Variants in PABPC4 observed in about 807,000 individuals in gnomAD.
PABPC4 encodes poly(A) binding protein cytoplasmic 4, also known as polyadenylate-binding protein 4.
A neutral mutation model predicts 74.5 loss-of-function variants in PABPC4; 15 were observed. The ratio of observed to expected loss-of-function variants is 0.20; its 90% CI spans 0.13 to 0.31. PABPC4 has a LOEUF of 0.31. PABPC4 is among the 10% of genes least tolerant of loss of function. The probability of loss-of-function intolerance (pLI) is 1.00; values close to 1 mark genes in which losing one functional copy is unlikely to be tolerated. For missense variants in PABPC4, 610 were observed against 853.5 expected (o/e 0.71, Z 3.55); for synonymous variants, 345 against 303.0 (o/e 1.14, Z -1.44).
Position 39,575,816 on chromosome 1 carries a change from T to C in PABPC4, c.136A>G (p.Met46Val), listed in dbSNP as rs1416365201. ...PVLSIRVCRDMITRRSLGYAY... is the reference protein window; with the variant it reads ...PVLSIRVCRDVITRRSLGYAY... ...TAGCCCAGGGAGCGGCGGGTGATCA[T>C]ATCGCGGCAGACCCGGATGGACAGC... is the stretch of plus-strand genomic sequence containing the variant. Residue 46 changes from methionine (M) to valine (V), a missense_variant, in exon 1 of 16, where the codon ATG (methionine) becomes GTG (valine). Physicochemically the swap from Met to Val is conservative, Grantham distance 21. Transcript: ENST00000372858. The C allele has an allele frequency of 3.7e-6, 6 of 1,609,912 alleles. No individual in the cohort carries two copies. Among genetic ancestry groups the C allele is most frequent in the East Asian group, 4.5e-5 (2 of 44,374 alleles).
rs1243301799 is a variant in PABPC4, at chr1:39,569,923, T to C, written c.583A>G (p.Ile195Val). Reference sequence around the variant, plus strand: ...TCCACCTCTTCCCCAAAGTTTTTGATATAAACATTGGTGAATTCCTTGGCT... The same window carrying C: ...TCCACCTCTTCCCCAAAGTTTTTGACATAAACATTGGTGAATTCCTTGGCT... ...AKAKEFTNVY[I>V]KNFGEEVDDE... is the part of the protein sequence containing the mutation. Residue 195 changes from isoleucine to valine, a missense_variant, in exon 4 of 16, where the codon ATC becomes GTC. By Grantham distance (29) the Ile-to-Val change is conservative. Coordinates refer to ENST00000372858, the MANE Select transcript of PABPC4 (RefSeq NM_001135653.2). 5 of 1,614,048 alleles carry C rather than the reference T, an allele frequency of 3.1e-6. No individual in the cohort carries two copies. Among genetic ancestry groups the C allele is most frequent in the Non-Finnish European group, 3.4e-6 (4 of 1,179,994 alleles).
At chr1:39,565,648 T>C (rs937181108) in intron 7 of PABPC4, among the ~76,000 whole-genome samples, 1 of 152,062 alleles carries the variant, frequency 6.6e-6, no homozygotes, top group Non-Finnish European at 1.5e-5. Flanking sequence ...ACCAACATGG[T>C]GCAACCCCGT....
chr1:39,565,398 A>G lies in PABPC4; in HGVS notation c.973-20T>C. ...CATTACCTACAAAATGAGACCAGCT[A>G]CTTAAGAAATAAGGTGTCCCTGGCT... On this transcript the variant is annotated intron_variant, in intron 7 of 15. Transcript: ENST00000372858. The G allele has an allele frequency of 6.3e-7, 1 of 1,598,720 alleles. No individual in the cohort carries two copies. Among genetic ancestry groups the G allele is most frequent in the Non-Finnish European group, 8.5e-7 (1 of 1,171,108 alleles).
In PABPC4 at chr1:39,563,817, T is replaced by C. The variant is rs1378257994; in HGVS notation, c.1540+19A>G. 2 of 1,614,044 alleles carry C rather than the reference T, an allele frequency of 1.2e-6. No homozygotes were observed. Among genetic ancestry groups the C allele is most frequent in the Admixed American group, 3.3e-5 (2 of 60,002 alleles). On this transcript the variant is annotated intron_variant, in intron 11 of 15. Coordinates refer to ENST00000372858, the MANE Select transcript of PABPC4 (RefSeq NM_001135653.2). ...CGTCAAATCCCATCTTTCCCCCTTC[T>C]GTGTGCATCCAATACCACCTCCAGA...
Position 39,561,106 on chromosome 1 carries a change from T to C in PABPC4, c.*30A>G, listed in dbSNP as rs1645762686. The C allele has an allele frequency of 2.1e-6, 1 of 470,774 alleles. No homozygotes were observed. The highest frequency in any genetic ancestry group is 4.4e-6 in the Non-Finnish European group (1 of 226,848). The allele number at this position is 470,774 out of a possible 1,614,324, so 29.2% of individuals were successfully genotyped here. A position where few individuals can be genotyped will look rare whatever the true frequency, so the allele number is the denominator to read the frequency against. On this transcript the variant is annotated 3_prime_UTR_variant, in exon 16 of 16. Coordinates refer to ENST00000372858, the MANE Select transcript of PABPC4 (RefSeq NM_001135653.2). ...CCTTGAGTTGAATTCCATAAGGGGT[T>C]ATTTGGCTTTTGAATCCTGTAAAGA...
intron 15 of PABPC4, 71 bp from the exon 16 acceptor site, chr1:39,561,193 A>G (rs1482143875): frequency 4.3e-6 from 2 of 462,060 alleles, no homozygotes; most frequent in East Asian, 7.0e-5. Flanking sequence ...TATAGTGGAT[A>G]AAGGAAGGTA....
chr1:39,567,213 G>A (rs970891675), intron 7 of PABPC4, among the ~76,000 whole-genome samples: 3 of 152,112 alleles, frequency 2.0e-5, no homozygotes, highest in Admixed American at 6.6e-5. Flanking sequence ...TACTTACCCT[G>A]CTAACTTAGT....
chr1:39,561,085 G>A lies in PABPC4; in HGVS notation c.*51C>T, dbSNP rs1645762301. 1 of 470,032 alleles carries A rather than the reference G, an allele frequency of 2.1e-6. No homozygotes were observed. The highest frequency in any genetic ancestry group is 2.4e-5 in the Admixed American group (1 of 42,502). 29.1% of individuals were successfully genotyped at this position (470,032 alleles called of 1,614,324 possible). The stretch of plus-strand genomic sequence containing the variant: ...ACAAGCTAGGAAGTCTTCAAACCTT[G>A]AGTTGAATTCCATAAGGGGTTATTT... On this transcript the variant is annotated 3_prime_UTR_variant, in exon 16 of 16. Coordinates refer to ENST00000372858, the MANE Select transcript of PABPC4 (RefSeq NM_001135653.2).
chr1:39,561,738 G>C lies in PABPC4; in HGVS notation c.1943C>G (p.Ala648Gly). ...AGCAACAGCGCCCACCTTCTGGGCA[G>C]CTTCTTTCTTGGCATGATGAGCCTG... ...VLQAHHAKKE[A>G]AQKVGAVAAA... Residue 648 changes from alanine (A) to glycine (G), a missense_variant, in exon 15 of 16, where the codon GCT (alanine) becomes GGT (glycine). Physicochemically the swap from Ala to Gly is moderately conservative, Grantham distance 60 (BLOSUM62 0). Coordinates refer to ENST00000372858, the MANE Select transcript of PABPC4 (RefSeq NM_001135653.2). The C allele has an allele frequency of 6.2e-7, 1 of 1,613,972 alleles. No individual in the cohort carries two copies. The highest frequency in any genetic ancestry group is 8.5e-7 in the Non-Finnish European group (1 of 1,179,994).
At chr1:39,573,657 T>TA (rs1306994519) in intron 1 of PABPC4, among the ~76,000 whole-genome samples, 1 of 152,186 alleles carries the variant, frequency 6.6e-6, no homozygotes, top group Middle Eastern at 3.4e-3. Flanking sequence ...CCATCTCTAC[T>TA]AAAAATACAC....
At position 39,562,109 on chromosome 1, in the gene PABPC4, C is replaced by T; in HGVS notation, c.1857G>A (p.Leu619=). The change falls in exon 14 of 16, where the codon CTG becomes CTA. Residue 619 remains leucine (L), a synonymous_variant. Coordinates refer to ENST00000372858, the MANE Select transcript of PABPC4 (RefSeq NM_001135653.2). ...GAGACTCGGGGGACTCTAACATGTG[C>T]AGCAGCTCAGAGTTGTCTATCTCCA... ...MLLEIDNSEL[L]HMLESPESLR... is the part of the protein sequence containing the mutation. 1.9e-6 allele frequency: 3 copies of T among 1,613,630 alleles called. No homozygotes were observed. Among genetic ancestry groups the T allele is most frequent in the Non-Finnish European group, 1.7e-6 (2 of 1,180,000 alleles).
chr1:39,563,816 C>G lies in PABPC4; in HGVS notation c.1540+20G>C, dbSNP rs562211500. 6 of 1,614,148 alleles carry G rather than the reference C, an allele frequency of 3.7e-6. No individual in the cohort carries two copies. The South Asian group carries it at 6.6e-5, about 18-fold the overall frequency. On this transcript the variant is annotated intron_variant, in intron 11 of 15. Transcript: ENST00000372858. ...CCGTCAAATCCCATCTTTCCCCCTT[C>G]TGTGTGCATCCAATACCACCTCCAG... is the stretch of plus-strand genomic sequence containing the variant.
intron 12 of PABPC4, chr1:39,563,204 A>C (rs770883325): frequency 5.3e-6 from 1 of 189,194 alleles, no homozygotes; most frequent in Non-Finnish European, 1.1e-5. Context: ...CCTCCTACAC[A>C]CACTTTACAT....
intron 7 of PABPC4, 83 bp from the exon 8 acceptor site, chr1:39,565,461 G>A (rs1645822450): frequency 7.0e-7 from 1 of 1,425,896 alleles, no homozygotes; most frequent in East Asian, 2.3e-5. Flanking sequence ...CAGCACTTTG[G>A]AAGGCTGAGG....
chr1:39,568,084 C>T (rs549650700), intron 6 of PABPC4: 3 of 320,638 alleles, frequency 9.4e-6, no homozygotes, highest in South Asian at 3.7e-5. Flanking sequence ...AGTGAAACCC[C>T]GTCTCTACTA....
chr1:39,575,294 C>T (rs1248883093), intron 1 of PABPC4, among the ~76,000 whole-genome samples: 2 of 152,216 alleles, frequency 1.3e-5, no homozygotes, highest in African/African-American at 4.8e-5. Context: ...TTTATCAGCA[C>T]AACATCAGGT....
At chr1:39,569,058 T>G in intron 5 of PABPC4, 119 bp from the exon 6 acceptor site, 1 of 1,037,238 alleles carries the variant, frequency 9.6e-7, no homozygotes, top group Non-Finnish European at 1.4e-6. Flanking sequence ...TCACTCCACC[T>G]CTGAAGTCTG....
At chr1:39,571,544 C>G in intron 2 of PABPC4, 195 bp from the exon 3 acceptor site, 1 of 618,476 alleles carries the variant, frequency 1.6e-6, no homozygotes, top group East Asian at 2.8e-5. Context: ...GGTAGCCCTA[C>G]TAAGATGCTT....
intron 1 of PABPC4, among the ~76,000 whole-genome samples, chr1:39,574,884 G>A (rs1170639846): frequency 6.6e-6 from 1 of 152,190 alleles, no homozygotes; most frequent in African/African-American, 2.4e-5. Flanking sequence ...CTCTCTCCAT[G>A]CTCCACGCTA....
Sources: allele counts gnomAD v4.1 joint callset (sites outside exome capture counted in the v4.1 genomes callset), GRCh38; gene constraint gnomAD v4.1.1; transcripts MANE v1.5; gene names NCBI Gene and HGNC (gene_info 2026-07-23, HGNC 2026-07-21).